Variants in GLIS3 observed in about 807,000 individuals in gnomAD.
The protein encoded by GLIS3 is zinc finger protein GLIS3.
GLIS3 carries 53 observed loss-of-function variants against 78.6 expected under a neutral mutation model. The observed-to-expected ratio is 0.67, with a 90% CI of 0.54 to 0.85. GLIS3 has a LOEUF of 0.85. Among genes scored for constraint, GLIS3 ranks in the 40% least tolerant of loss-of-function variants. The pLI, the probability that GLIS3 is intolerant of heterozygous loss-of-function variation, is 0.00. For missense variants in GLIS3, 1,703 were observed against 1,231.1 expected (o/e 1.38, Z -5.74); for synonymous variants, 684 against 509.9 (o/e 1.34, Z -4.60).
chr9:4,364,443 AATG>A, the GLIS3 span, among the ~76,000 whole-genome samples: 9 of 152,194 alleles, frequency 5.9e-5, no homozygotes, highest in Non-Finnish European at 1.3e-4. Flanking sequence ...TGCTTCAATA[AATG>A]ATAATATTTT....
chr9:4,068,272 T>C (rs1827272391), intron 4 of GLIS3, among the ~76,000 whole-genome samples: 1 of 152,078 alleles, frequency 6.6e-6, no homozygotes, highest in Admixed American at 6.6e-5. Context: ...ATCCTAAAAC[T>C]TCAGCGCAAG....
chr9:4,192,096 C>T (rs187912655), intron 2 of GLIS3, among the ~76,000 whole-genome samples: 144 of 152,086 alleles, frequency 9.5e-4, no homozygotes, highest in Non-Finnish European at 1.7e-3. Context: ...GCAAAGAAAA[C>T]GATAATTTCT....
At chr9:4,264,113 G>A (rs753549801) in intron 2 of GLIS3, among the ~76,000 whole-genome samples, 1 of 152,122 alleles carries the variant, frequency 6.6e-6, no homozygotes. Context: ...ATTATTTTCA[G>A]AACAGAAACC....
rs1826508573 is a variant in GLIS3, at chr9:4,271,546, G to C, written c.388+14492C>G. 2.0e-5 allele frequency among the ~76,000 whole-genome samples: 3 copies of C among 152,156 alleles called. No individual in the cohort carries two copies. In the South Asian group the frequency reaches 6.2e-4, roughly 31 times the overall value. ...AGAGAAGCACAGAAAAGATCATGTT[G>C]CCTAGGAAAAAGCAGCATAAGCAAG... On this transcript the variant is annotated intron_variant, in intron 2 of 10. Transcript: ENST00000381971.
At chr9:3,837,758 C>T (rs1422292855) in intron 9 of GLIS3, among the ~76,000 whole-genome samples, 2 of 152,166 alleles carry the variant, frequency 1.3e-5, no homozygotes, top group East Asian at 3.8e-4. Context: ...TCCGTGGTTT[C>T]CACAGGTTGG....
chr9:4,415,631 T>G, the GLIS3 span, among the ~76,000 whole-genome samples: 1 of 152,214 alleles, frequency 6.6e-6, no homozygotes, highest in Non-Finnish European at 1.5e-5. Context: ...TTTTGTAATC[T>G]TTCTGCTAAG....
chr9:3,852,669 C>G (rs1455256474), intron 9 of GLIS3, among the ~76,000 whole-genome samples: 1 of 152,106 alleles, frequency 6.6e-6, no homozygotes, highest in Non-Finnish European at 1.5e-5. Flanking sequence ...TCCAGAAAAA[C>G]AATTTCAGAA....
chr9:4,291,563 G>A (rs1194689189), intron 1 of GLIS3, among the ~76,000 whole-genome samples: 1 of 152,012 alleles, frequency 6.6e-6, no homozygotes, highest in Non-Finnish European at 1.5e-5. Context: ...TTCAAAATAT[G>A]GGTAGTAAAT....
At chr9:4,258,903 C>G (rs1032977172) in intron 2 of GLIS3, among the ~76,000 whole-genome samples, 2 of 152,134 alleles carry the variant, frequency 1.3e-5, no homozygotes, top group African/African-American at 4.8e-5. Context: ...GGCAATAATT[C>G]AACCTCTGTA....
chr9:4,428,366 A>G, the GLIS3 span, among the ~76,000 whole-genome samples: 1 of 151,224 alleles, frequency 6.6e-6, no homozygotes, highest in Non-Finnish European at 1.5e-5. Flanking sequence ...GTAGTCCCAG[A>G]TACTTGGGAG....
At chr9:3,942,268 G>A (rs888992800) in intron 4 of GLIS3, among the ~76,000 whole-genome samples, 1 of 152,116 alleles carries the variant, frequency 6.6e-6, no homozygotes, top group Non-Finnish European at 1.5e-5. Context: ...CTTAGTGTTT[G>A]TGACCCTGGG....
intron 9 of GLIS3, among the ~76,000 whole-genome samples, chr9:3,839,688 A>C (rs916850418): frequency 6.6e-6 from 1 of 152,186 alleles, no homozygotes; most frequent in African/African-American, 2.4e-5. Context: ...TCAAGGACAT[A>C]GTTCATGTCA....
chr9:4,428,142 A>G, the GLIS3 span, among the ~76,000 whole-genome samples: 1 of 152,048 alleles, frequency 6.6e-6, no homozygotes, highest in Non-Finnish European at 1.5e-5. Flanking sequence ...TGGACCCCTT[A>G]GGGAAAGGGA....
chr9:4,135,706 G>C (rs1440788763), intron 2 of GLIS3, among the ~76,000 whole-genome samples: 1 of 152,076 alleles, frequency 6.6e-6, no homozygotes, highest in Non-Finnish European at 1.5e-5. Context: ...TCTCAAATGG[G>C]AGAAACATCA....
At chr9:4,041,202 G>T (rs538228764) in intron 4 of GLIS3, among the ~76,000 whole-genome samples, 1 of 152,284 alleles carries the variant, frequency 6.6e-6, no homozygotes, top group African/African-American at 2.4e-5. Context: ...AGCCCCGGGG[G>T]ATGTCTAGCA....
the GLIS3 span, among the ~76,000 whole-genome samples, chr9:4,392,835 T>A: frequency 1.3e-5 from 2 of 152,024 alleles, no homozygotes; most frequent in Non-Finnish European, 2.9e-5. Flanking sequence ...CACACAAGAG[T>A]ACATTACACA....
chr9:4,123,737 A>T (rs972918751), intron 3 of GLIS3: 1 of 397,866 alleles, frequency 2.5e-6, no homozygotes, highest in Non-Finnish European at 4.4e-6. Context: ...ATGTTTGACT[A>T]TAACTGGAAG....
At chr9:4,367,632 T>TAA in the GLIS3 span, among the ~76,000 whole-genome samples, 1 of 27,566 alleles carries the variant, frequency 3.6e-5, no homozygotes, top group African/African-American at 2.1e-4. Flanking sequence ...AGACTCCATC[T>TAA]CAAAAAAAAA....
Position 3,827,967 on chromosome 9 carries a change from TC to T in GLIS3, c.*304del. 1 of 416,866 alleles carries T rather than the reference TC, an allele frequency of 2.4e-6. No homozygotes were observed. Among genetic ancestry groups the T allele is most frequent in the South Asian group, 2.3e-5 (1 of 44,050 alleles). The allele number at this position is 416,866 out of a possible 1,614,324, so 25.8% of individuals were successfully genotyped here. Reference sequence around the variant, plus strand: ...TCATATGCACATCATTTCACTGGGGTCCTTTAAGGGTTGACAGCCAGGAAGT... The same window carrying T: ...TCATATGCACATCATTTCACTGGGGTCTTTAAGGGTTGACAGCCAGGAAGT... On this transcript the variant is annotated 3_prime_UTR_variant, in exon 11 of 11. Transcript: ENST00000381971.
Sources: allele counts gnomAD v4.1 joint callset (sites outside exome capture counted in the v4.1 genomes callset), GRCh38; gene constraint gnomAD v4.1.1; transcripts MANE v1.5; gene names NCBI Gene and HGNC (gene_info 2026-07-23, HGNC 2026-07-21).